BMPR2: variants seen among roughly 807,000 people sequenced by gnomAD.
BMPR2 encodes the protein bone morphogenetic protein receptor type 2, also known as bone morphogenetic protein receptor type-2.
In BMPR2, 29 loss-of-function variants were observed where a neutral mutation model predicts 100.8. The observed-to-expected ratio is 0.29, with a 90% CI of 0.21 to 0.39. The LOEUF is 0.39. BMPR2 is among the 10% of genes least tolerant of loss of function. The pLI, the probability that BMPR2 is intolerant of heterozygous loss-of-function variation, is 1.00. For missense variants in BMPR2, 1,011 were observed against 1,274.5 expected, an observed-to-expected ratio of 0.79 and a Z score of 3.15; for synonymous variants, 382 against 442.3, an observed-to-expected ratio of 0.86 and a Z score of 1.71.
intron 1 of BMPR2, among the ~76,000 whole-genome samples, chr2:202,446,297 G>T (rs1008098660): frequency 1.3e-5 from 2 of 150,058 alleles, no homozygotes; most frequent in African/African-American, 5.0e-5. Flanking sequence ...TACTTGGGAG[G>T]CTGAGGCAGG....
intron 7 of BMPR2, chr2:202,520,742 G>A (rs938085487): frequency 3.2e-5 from 5 of 156,964 alleles, no homozygotes; most frequent in Admixed American, 6.3e-5. Flanking sequence ...GGCGGTTTCT[G>A]CCACCCTCGA....
intron 1 of BMPR2, among the ~76,000 whole-genome samples, chr2:202,393,808 A>G (rs1030087493): frequency 3.3e-5 from 5 of 150,308 alleles, no homozygotes; most frequent in African/African-American, 7.3e-5. Context: ...TTTCAAGCCC[A>G]TTTTACTTAT....
chr2:202,455,229 C>T (rs1012523344), intron 1 of BMPR2, among the ~76,000 whole-genome samples: 3 of 152,114 alleles, frequency 2.0e-5, no homozygotes, highest in East Asian at 3.9e-4. Context: ...CTCAGTCACA[C>T]TAACCGTATT....
In BMPR2 at chr2:202,562,861, G is replaced by A. The variant is rs913533258; in HGVS notation, c.*2915G>A. 6.6e-6 allele frequency: 1 copy of A among 151,328 alleles called. No individual in the cohort carries two copies. Among genetic ancestry groups the A allele is most frequent in the Non-Finnish European group, 1.5e-5 (1 of 67,862 alleles). The allele number at this position is 151,328 out of a possible 1,614,324, so 9.4% of individuals were successfully genotyped here. A position where few individuals can be genotyped will look rare whatever the true frequency, so the allele number is the denominator to read the frequency against. ...CAAAAAAAAAAACCCACTGTTACCA[G>A]TGTAGGAAGTTACAAGAAGGCACAT... On this transcript the variant is annotated 3_prime_UTR_variant, in exon 13 of 13. Coordinates refer to ENST00000374580, the MANE Select transcript of BMPR2 (RefSeq NM_001204.7).
chr2:202,387,296 A>C (rs1488948790), intron 1 of BMPR2, among the ~76,000 whole-genome samples: 1 of 152,208 alleles, frequency 6.6e-6, no homozygotes, highest in African/African-American at 2.4e-5. Context: ...AGCATTTCTC[A>C]TCTTTAGTAT....
At chr2:202,512,192 C>T (rs1687638445) in intron 3 of BMPR2, among the ~76,000 whole-genome samples, 1 of 152,060 alleles carries the variant, frequency 6.6e-6, no homozygotes, top group Admixed American at 6.5e-5. Context: ...CAGGAATGCC[C>T]ATTAGAGGAA....
chr2:202,451,524 C>T (rs1435447284), intron 1 of BMPR2, among the ~76,000 whole-genome samples: 6 of 152,050 alleles, frequency 3.9e-5, no homozygotes, highest in Admixed American at 1.3e-4. Flanking sequence ...CATGGCAAAA[C>T]CCCGTCTCTA....
intron 1 of BMPR2, among the ~76,000 whole-genome samples, chr2:202,442,353 T>A (rs1015722829): frequency 6.6e-6 from 1 of 150,548 alleles, no homozygotes; most frequent in Non-Finnish European, 1.5e-5. Flanking sequence ...TTATATAAAT[T>A]GAAATCTATA....
chr2:202,469,092 A>G (rs1173268633), intron 3 of BMPR2, among the ~76,000 whole-genome samples: 1 of 152,088 alleles, frequency 6.6e-6, no homozygotes, highest in African/African-American at 2.4e-5. Context: ...GTGCAATGGC[A>G]CGATCTCGGC....
intron 3 of BMPR2, among the ~76,000 whole-genome samples, chr2:202,480,667 T>C (rs898817868): frequency 1.3e-5 from 2 of 151,924 alleles, no homozygotes; most frequent in African/African-American, 2.4e-5. Flanking sequence ...AAAAATCAAT[T>C]GACAGGCCGG....
rs1471986082 is a variant in BMPR2 at position 202,503,255 on chromosome 2, G to A, written c.419-10464G>A. The stretch of plus-strand genomic sequence containing the variant: ...CTCACAGCCCTCGCTCACTCTCAGC[G>A]CCTCTGCCTGGGCTCCCACTTTGGC... On this transcript the variant is annotated intron_variant, in intron 3 of 12. Coordinates refer to ENST00000374580, the MANE Select transcript of BMPR2 (RefSeq NM_001204.7). This position sits in a 1 kb window ranked among gnomAD's most constrained non-coding sequence, Gnocchi z 4.0. Among the ~76,000 whole-genome samples, 1 of 152,236 alleles carries A rather than the reference G, an allele frequency of 6.6e-6. No homozygotes were observed. Among genetic ancestry groups the A allele is most frequent in the African/African-American group, 2.4e-5 (1 of 41,466 alleles).
intron 7 of BMPR2, among the ~76,000 whole-genome samples, chr2:202,522,009 G>T (rs1161545247): frequency 6.6e-6 from 1 of 151,880 alleles, no homozygotes; most frequent in Admixed American, 6.6e-5. Context: ...ATATAAAAAA[G>T]TTAGCCAGAT....
chr2:202,504,533 C>T (rs1336012852), intron 3 of BMPR2, among the ~76,000 whole-genome samples: 1 of 152,140 alleles, frequency 6.6e-6, no homozygotes, highest in Non-Finnish European at 1.5e-5. Context: ...GACGCACCAC[C>T]TGAAGAGCTG....
At chr2:202,415,425 T>G (rs1691108202) in intron 1 of BMPR2, among the ~76,000 whole-genome samples, 4 of 152,166 alleles carry the variant, frequency 2.6e-5, no homozygotes, top group African/African-American at 4.8e-5. Context: ...GAGCCAAGTT[T>G]GCGCCATTGC....
Position 202,518,819 on chromosome 2 carries a change from C to T in BMPR2, c.622-3C>T. 6.2e-7 allele frequency: 1 copy of T among 1,612,660 alleles called. No homozygotes were observed. Among genetic ancestry groups the T allele is most frequent in the Non-Finnish European group, 8.5e-7 (1 of 1,178,686 alleles). ...TACCTTGCTTTCTTTAAAACACTTG[C>T]AGCTGATTGGCCGAGGTCGATATGG... On this transcript the variant is annotated splice_polypyrimidine_tract_variant and splice_region_variant and intron_variant, in intron 5 of 12. Transcript: ENST00000374580.
In BMPR2 at chr2:202,491,689, G is replaced by A. The variant is rs185019908; in HGVS notation, c.419-22030G>A. 2.3e-3 allele frequency among the ~76,000 whole-genome samples: 344 copies of A among 152,170 alleles called. 1 individual carries two copies. Among genetic ancestry groups the A allele is most frequent in the Non-Finnish European group, 2.8e-3 (191 of 67,996 alleles). On this transcript the variant is annotated intron_variant, in intron 3 of 12. Transcript: ENST00000374580. ...AAAGTGCTGGAATTACAGGCATGAG[G>A]CACCACGCCTGGCCAGGTGCATCTT...
chr2:202,377,179 T>G lies in BMPR2; in HGVS notation c.-296T>G. On this transcript the variant is annotated 5_prime_UTR_variant, in exon 1 of 13. The change creates a new upstream start codon in the 5' untranslated region. Transcript: ENST00000374580. ...CTACGAGGGAAATAATTTGGGGGAT[T>G]TCTTCTTGGCTCCCTGCTTTCCCCA... is the stretch of plus-strand genomic sequence containing the variant. The G allele has an allele frequency of 3.4e-6, 2 of 590,570 alleles. No homozygotes were observed. Among genetic ancestry groups the G allele is most frequent in the East Asian group, 5.6e-5 (2 of 35,594 alleles). 36.6% of individuals were successfully genotyped at this position (590,570 alleles called of 1,614,324 possible). A position where few individuals can be genotyped will look rare whatever the true frequency, so the allele number is the denominator to read the frequency against.
At chr2:202,527,814 A>C (rs1687946508) in intron 7 of BMPR2, among the ~76,000 whole-genome samples, 1 of 151,960 alleles carries the variant, frequency 6.6e-6, no homozygotes, top group Non-Finnish European at 1.5e-5. Context: ...AATAATAAAA[A>C]AATAAATAAA....
At position 202,543,008 on chromosome 2, in the gene BMPR2, C is replaced by T. The variant is rs570581250; in HGVS notation, c.1413+561C>T. ...CCTGGGCAACATGGTGAAACCCCAC[C>T]TCTACTAAAATACAAAAAATTAGCC... On this transcript the variant is annotated intron_variant, in intron 10 of 12. Coordinates refer to ENST00000374580, the MANE Select transcript of BMPR2 (RefSeq NM_001204.7). Among the ~76,000 whole-genome samples the T allele has an allele frequency of 3.3e-3, 497 of 151,660 alleles. 2 individuals are homozygous for T. The highest frequency in any genetic ancestry group is 0.011 in the African/African-American group (469 of 41,380).
Sources: allele counts gnomAD v4.1 joint callset (sites outside exome capture counted in the v4.1 genomes callset), GRCh38; gene constraint gnomAD v4.1.1; non-coding constraint Gnocchi (gnomAD v3.1); transcripts MANE v1.5; gene names NCBI Gene and HGNC (gene_info 2026-07-23, HGNC 2026-07-21).